The following TGFBRAP1 variants were observed in gnomAD, a reference collection of about 807,000 sequenced individuals.
The protein encoded by TGFBRAP1 is transforming growth factor beta receptor associated protein 1.
Under a neutral mutation model 83.2 loss-of-function variants are expected in TGFBRAP1, and 20 were observed. That is an observed-to-expected ratio of 0.24 (90% CI 0.17 to 0.35). TGFBRAP1 has a LOEUF of 0.35. Among genes scored for constraint, TGFBRAP1 ranks in the 10% least tolerant of loss-of-function variants. The probability of loss-of-function intolerance (pLI) is 1.00; values close to 1 mark genes in which losing one functional copy is unlikely to be tolerated. For missense variants in TGFBRAP1, 950 were observed against 1,099.4 expected, an observed-to-expected ratio of 0.86 and a Z score of 1.92; for synonymous variants, 415 against 459.8, an observed-to-expected ratio of 0.90 and a Z score of 1.25.
At chr2:105,297,397 C>G (rs991906521) in intron 3 of TGFBRAP1, among the ~76,000 whole-genome samples, 58 of 152,174 alleles carry the variant, frequency 3.8e-4, no homozygotes, top group Non-Finnish European at 7.8e-4. Flanking sequence ...ACCCTGAGCC[C>G]GACTCTACCA....
chr2:105,284,739 C>T (rs1214294360), intron 4 of TGFBRAP1, among the ~76,000 whole-genome samples: 1 of 152,136 alleles, frequency 6.6e-6, no homozygotes, highest in African/African-American at 2.4e-5. Context: ...TTCCACTCTT[C>T]TGGAATTGAA....
chr2:105,293,273 A>T (rs1232782882), intron 4 of TGFBRAP1, among the ~76,000 whole-genome samples: 4 of 152,238 alleles, frequency 2.6e-5, no homozygotes, highest in Non-Finnish European at 5.9e-5. Flanking sequence ...GTGTGACACA[A>T]ATCTTTGTCT....
At chr2:105,318,037 G>A (rs779044284) in intron 1 of TGFBRAP1, among the ~76,000 whole-genome samples, 43 of 152,272 alleles carry the variant, frequency 2.8e-4, no homozygotes, top group Non-Finnish European at 2.6e-4. Flanking sequence ...GGGAAGGTTC[G>A]GAGCTGGTAA....
At chr2:105,307,125 G>T (rs961736573) in intron 2 of TGFBRAP1, among the ~76,000 whole-genome samples, 1 of 152,104 alleles carries the variant, frequency 6.6e-6, no homozygotes, top group African/African-American at 2.4e-5. Flanking sequence ...ACAGAGGTGG[G>T]AACTTCAAGA....
At chr2:105,327,847 C>G (rs1679267534) in intron 1 of TGFBRAP1, among the ~76,000 whole-genome samples, 1 of 152,196 alleles carries the variant, frequency 6.6e-6, no homozygotes, top group African/African-American at 2.4e-5. Context: ...TGAAGGCTAA[C>G]AGTGGCACCT....
chr2:105,257,183 G>C, the TGFBRAP1 span, among the ~76,000 whole-genome samples: 1 of 152,018 alleles, frequency 6.6e-6, no homozygotes, highest in Non-Finnish European at 1.5e-5. Flanking sequence ...TTTCTTGTGC[G>C]AGATCCAAGA....
chr2:105,260,772 TA>T (rs201234180), downstream of TGFBRAP1, among the ~76,000 whole-genome samples: 6 of 152,046 alleles, frequency 3.9e-5, no homozygotes, highest in Admixed American at 6.5e-5. Flanking sequence ...TTTACCACAA[TA>T]AAAAAAATAC....
the TGFBRAP1 span, among the ~76,000 whole-genome samples, chr2:105,253,689 C>A: frequency 6.6e-6 from 1 of 152,096 alleles, no homozygotes; most frequent in African/African-American, 2.4e-5. Flanking sequence ...CCCACCTCAG[C>A]CTCCCAAAGC....
chr2:105,269,140 C>A lies in TGFBRAP1; in HGVS notation c.2406+132G>T. 8.6e-7 allele frequency: 1 copy of A among 1,164,580 alleles called. No individual in the cohort carries two copies. The highest frequency in any genetic ancestry group is 1.2e-6 in the Non-Finnish European group (1 of 853,914). 72.1% of individuals were successfully genotyped at this position (1,164,580 alleles called of 1,614,324 possible). ...AGACCTCAGTTTCTATGAGTAGGAT[C>A]AGATATTGATGTGTTGTAGTCATAG... On this transcript the variant is annotated intron_variant, in intron 11 of 11. Transcript: ENST00000393359. This position sits in a 1 kb window ranked among gnomAD's most constrained non-coding sequence, Gnocchi z 4.1.
At position 105,272,898 on chromosome 2, in the gene TGFBRAP1, C is replaced by A; in HGVS notation, c.1929G>T (p.Arg643=). Residue 643 remains arginine, a synonymous_variant, in exon 10 of 12, where the codon CGG becomes CGT. Transcript: ENST00000393359. ...EATETQAKLR[R]LLQKSDLYRV... ...GGTATAAATCAGATTTCTGGAGCAG[C>A]CGCCGCAGCTTGGCCTGCGTCTCGG... 6.2e-7 allele frequency: 1 copy of A among 1,609,950 alleles called. No individual in the cohort carries two copies. The highest frequency in any genetic ancestry group is 8.5e-7 in the Non-Finnish European group (1 of 1,179,920).
chr2:105,266,804 C>T lies in TGFBRAP1; in HGVS notation c.*579G>A, dbSNP rs1676951550. Reference sequence around the variant, plus strand: ...ACAAAGGTACTTCTCCAGGGTCAGCCGTTTCTGAGGGCAAAGGCAGAGCCC... The same window carrying T: ...ACAAAGGTACTTCTCCAGGGTCAGCTGTTTCTGAGGGCAAAGGCAGAGCCC... On this transcript the variant is annotated 3_prime_UTR_variant, in exon 12 of 12. Transcript: ENST00000393359. 3 of 152,364 alleles carry T rather than the reference C, an allele frequency of 2.0e-5. No individual in the cohort carries two copies. Among genetic ancestry groups the T allele is most frequent in the South Asian group, 2.1e-4 (1 of 4,830 alleles). The allele number at this position is 152,364 out of a possible 1,614,324, so 9.4% of individuals were successfully genotyped here.
the TGFBRAP1 span, among the ~76,000 whole-genome samples, chr2:105,257,894 T>G: frequency 2.6e-5 from 4 of 152,194 alleles, no homozygotes; most frequent in Non-Finnish European, 5.9e-5. Context: ...TGCCAAGACC[T>G]GTTGGTTTTT....
At chr2:105,281,932 C>A (rs980136490) in intron 5 of TGFBRAP1, among the ~76,000 whole-genome samples, 1 of 152,012 alleles carries the variant, frequency 6.6e-6, no homozygotes, top group African/African-American at 2.4e-5. Flanking sequence ...CCATTAAACA[C>A]CCTGTAATGC....
chr2:105,255,036 A>G, the TGFBRAP1 span, among the ~76,000 whole-genome samples: 1 of 152,230 alleles, frequency 6.6e-6, no homozygotes, highest in East Asian at 1.9e-4. Context: ...TTGTTACAGC[A>G]GACCAAGCTG....
intron 1 of TGFBRAP1, among the ~76,000 whole-genome samples, chr2:105,317,967 G>A (rs1037963377): frequency 1.3e-5 from 2 of 152,170 alleles, no homozygotes; most frequent in African/African-American, 4.8e-5. Context: ...AATATTTGAA[G>A]TCTGACAACA....
intron 5 of TGFBRAP1, among the ~76,000 whole-genome samples, 181 bp downstream of exon 5, chr2:105,284,133 TGA>T (rs1677634018): frequency 6.6e-6 from 1 of 151,878 alleles, no homozygotes; most frequent in Admixed American, 6.6e-5. Flanking sequence ...AGGCTCCGGG[TGA>T]GGGGTGACGC....
chr2:105,289,406 C>T (rs1677827935), intron 4 of TGFBRAP1, among the ~76,000 whole-genome samples: 1 of 152,162 alleles, frequency 6.6e-6, no homozygotes. Context: ...AATTTTGAGG[C>T]ATTGAAAACG....
At chr2:105,277,452 C>G (rs1677387060) in intron 7 of TGFBRAP1, among the ~76,000 whole-genome samples, 162 bp downstream of exon 7, 1 of 152,122 alleles carries the variant, frequency 6.6e-6, no homozygotes, top group Admixed American at 6.5e-5. Flanking sequence ...AACATTTCTC[C>G]AGGAATTCAC....
chr2:105,259,124 G>C, the TGFBRAP1 span, among the ~76,000 whole-genome samples: 1 of 152,214 alleles, frequency 6.6e-6, no homozygotes, highest in Non-Finnish European at 1.5e-5. Context: ...AACCTTTGCT[G>C]TGGTCTATTC....
Sources: gnomAD v4.1 joint callset for allele counts (sites outside exome capture counted in the v4.1 genomes callset) on GRCh38, gnomAD v4.1.1 for gene constraint, Gnocchi (gnomAD v3.1) non-coding constraint, MANE v1.5 for transcripts, NCBI Gene and HGNC (gene_info 2026-07-23, HGNC 2026-07-21) for gene names.